The following NPFFR2 variants were observed in gnomAD, a reference collection of about 807,000 sequenced individuals.
The protein encoded by NPFFR2 is neuropeptide FF receptor 2.
NPFFR2 carries 15 observed loss-of-function variants against 13.1 expected under a neutral mutation model. The observed-to-expected ratio is 1.15, with a 90% confidence interval of 0.77 to 1.76. The LOEUF (loss-of-function observed/expected upper bound fraction) is 1.76, where lower values mean the gene tolerates loss of function less well. Among genes scored for constraint, NPFFR2 ranks in the 40% most tolerant of loss-of-function variants. NPFFR2 has a pLI of 0.00. For missense variants in NPFFR2, 572 were observed against 503.5 expected (o/e 1.14, Z -1.30); for synonymous variants, 190 against 175.7 (o/e 1.08, Z -0.65).
intron 1 of NPFFR2, among the ~76,000 whole-genome samples, chr4:72,109,104 C>T (rs1560413765): frequency 6.6e-6 from 1 of 152,012 alleles, no homozygotes. Flanking sequence ...CAATGTGTCT[C>T]TTCTTTTCTT....
chr4:72,068,787 A>G, intron 1 of NPFFR2: 1 of 359,084 alleles, frequency 2.8e-6, no homozygotes, highest in Non-Finnish European at 5.1e-6. Flanking sequence ...ATGCTAGAGA[A>G]TAGAACTTAA....
rs1021971648 is a variant in NPFFR2 at position 72,141,946 on chromosome 4, TA to T, written c.428+3808del. Among the ~76,000 whole-genome samples the T allele has an allele frequency of 3.0e-4, 45 of 152,328 alleles. 1 individual carries two copies. The highest frequency in any genetic ancestry group is 3.4e-3 in the Middle Eastern group (1 of 294). On this transcript the variant is annotated intron_variant, in intron 3 of 3. Transcript: ENST00000308744. Reference sequence around the variant, plus strand: ...TGCTTTATGAATCTGGGTGCTCCTGTATTGGGTGCATATATATTTAGGATCG... The same window carrying T: ...TGCTTTATGAATCTGGGTGCTCCTGTTTGGGTGCATATATATTTAGGATCG...
chr4:72,076,525 A>G (rs992520971), intron 1 of NPFFR2, among the ~76,000 whole-genome samples: 1 of 152,178 alleles, frequency 6.6e-6, no homozygotes, highest in South Asian at 2.1e-4. Context: ...ATGATTTGAT[A>G]TGAAAATAAG....
rs573977378 is a variant in NPFFR2, at chr4:72,040,170, C to G, written c.-8+7970C>G. The stretch of plus-strand genomic sequence containing the variant: ...TGCACATTTAAAATATTTGTATAGA[C>G]AATATATTTATTATTGTATACATTT... On this transcript the variant is annotated intron_variant, in intron 1 of 3. Coordinates refer to ENST00000308744, the MANE Select transcript of NPFFR2 (RefSeq NM_004885.3). Among the ~76,000 whole-genome samples the G allele has an allele frequency of 2.0e-4, 30 of 152,134 alleles. 1 individual carries two copies. The highest frequency in any genetic ancestry group is 6.8e-3 in the Middle Eastern group (2 of 294).
chr4:72,046,684 A>G (rs887724019), intron 1 of NPFFR2, among the ~76,000 whole-genome samples: 1 of 152,208 alleles, frequency 6.6e-6, no homozygotes, highest in African/African-American at 2.4e-5. Context: ...TAGAGGCTGG[A>G]AGAATTTGGA....
At chr4:72,063,400 A>C (rs531664309) in intron 1 of NPFFR2, among the ~76,000 whole-genome samples, 1 of 152,328 alleles carries the variant, frequency 6.6e-6, no homozygotes, top group South Asian at 2.1e-4. Flanking sequence ...AATTTGAATA[A>C]ATAAATGGTT....
intron 1 of NPFFR2, among the ~76,000 whole-genome samples, chr4:72,051,451 G>A (rs13146139): frequency 0.89 from 134,574 of 150,972 alleles, 61,090 homozygotes; most frequent in Non-Finnish European, 0.98. Flanking sequence ...ACCAATGAGA[G>A]CAAAGACACA....
intron 1 of NPFFR2, among the ~76,000 whole-genome samples, chr4:72,124,572 C>T (rs1020067582): frequency 6.6e-6 from 1 of 152,094 alleles, no homozygotes; most frequent in African/African-American, 2.4e-5. Flanking sequence ...AGTACCAAAA[C>T]AGATATATAG....
At chr4:72,034,468 CATGGTGGTAG>C (rs1718995743) in intron 1 of NPFFR2, among the ~76,000 whole-genome samples, 2 of 152,162 alleles carry the variant, frequency 1.3e-5, no homozygotes, top group Non-Finnish European at 2.9e-5. Flanking sequence ...ATGAGAATAA[CATGGTGGTAG>C]CTGTCCTCAT....
At chr4:72,042,355 G>T (rs6446806) in intron 1 of NPFFR2, among the ~76,000 whole-genome samples, 146,809 of 152,204 alleles carry the variant, frequency 0.96, 71,032 homozygotes, top group East Asian at 1. Context: ...GGCTATATTC[G>T]TATAGCGGCG....
At chr4:72,068,805 T>G in intron 1 of NPFFR2, 1 of 385,060 alleles carries the variant, frequency 2.6e-6, no homozygotes, top group Non-Finnish European at 4.7e-6. Context: ...TAATAATGCT[T>G]AAGTTCTAGA....
chr4:72,053,119 G>T (rs536642310), intron 1 of NPFFR2, among the ~76,000 whole-genome samples: 2 of 151,940 alleles, frequency 1.3e-5, no homozygotes, highest in African/African-American at 2.4e-5. Flanking sequence ...CTGTGTCGTT[G>T]GCAATGGTCC....
rs562196078 is a variant in NPFFR2, at chr4:72,062,506, A to G, written c.-8+30306A>G. On this transcript the variant is annotated intron_variant, in intron 1 of 3. Coordinates refer to ENST00000308744, the MANE Select transcript of NPFFR2 (RefSeq NM_004885.3). ...GTTTTAAATTCATTCAAGACTAGGTATACTGTAATAGATTGTAAAAAAAAA... is the reference window on the plus strand; with the variant it reads ...GTTTTAAATTCATTCAAGACTAGGTGTACTGTAATAGATTGTAAAAAAAAA... Among the ~76,000 whole-genome samples the G allele has an allele frequency of 1.8e-4, 23 of 125,590 alleles. No homozygotes were observed. In the South Asian group the frequency reaches 4.8e-3, roughly 26 times the overall value. The allele number at this position is 125,590 out of a possible 152,430, so 82.4% of individuals were successfully genotyped here. A position where few individuals can be genotyped will look rare whatever the true frequency, so the allele number is the denominator to read the frequency against.
At chr4:72,034,605 T>C (rs897192527) in intron 1 of NPFFR2, among the ~76,000 whole-genome samples, 2 of 152,224 alleles carry the variant, frequency 1.3e-5, no homozygotes, top group Non-Finnish European at 2.9e-5. Context: ...TTATATAGTA[T>C]TTTAATAATC....
intron 1 of NPFFR2, among the ~76,000 whole-genome samples, chr4:72,050,895 G>A (rs920872905): frequency 2.6e-5 from 4 of 151,640 alleles, no homozygotes; most frequent in African/African-American, 9.7e-5. Context: ...AGTTTACTGA[G>A]AATGATGATT....
intron 1 of NPFFR2, among the ~76,000 whole-genome samples, chr4:72,078,666 T>G (rs1040527321): frequency 6.6e-6 from 1 of 152,070 alleles, no homozygotes; most frequent in African/African-American, 2.4e-5. Context: ...GCTTACTATA[T>G]GGCTACATTG....
At chr4:72,081,222 C>T (rs1158082915) in intron 1 of NPFFR2, among the ~76,000 whole-genome samples, 5 of 152,102 alleles carry the variant, frequency 3.3e-5, no homozygotes, top group African/African-American at 9.7e-5. Flanking sequence ...TTTATTAAAA[C>T]GATTATTCCC....
chr4:72,077,362 C>T (rs1720478618), intron 1 of NPFFR2, among the ~76,000 whole-genome samples: 1 of 152,008 alleles, frequency 6.6e-6, no homozygotes, highest in Non-Finnish European at 1.5e-5. Context: ...CTGTCATGGG[C>T]CAGGAAAATG....
chr4:72,099,771 T>C (rs1721185784), intron 1 of NPFFR2, among the ~76,000 whole-genome samples: 2 of 151,498 alleles, frequency 1.3e-5, no homozygotes, highest in Admixed American at 1.3e-4. Context: ...AAACCATTTC[T>C]TAAAAAAAAC....
Sources: allele counts gnomAD v4.1 joint callset (sites outside exome capture counted in the v4.1 genomes callset), GRCh38; gene constraint gnomAD v4.1.1; transcripts MANE v1.5; gene names NCBI Gene and HGNC (gene_info 2026-07-23, HGNC 2026-07-21).